Variants in ATRNL1 observed in about 807,000 individuals in gnomAD.
ATRNL1 encodes attractin like 1, also known as attractin-like protein 1.
In ATRNL1, 95 loss-of-function variants were observed where a neutral mutation model predicts 182.7. The observed-to-expected ratio is 0.52, with a 90% CI of 0.44 to 0.62. The LOEUF (loss-of-function observed/expected upper bound fraction) is 0.62. Among genes scored for constraint, ATRNL1 ranks in the 20% least tolerant of loss-of-function variants. The pLI is 0.00. For synonymous variants in ATRNL1, 576 were observed against 568.3 expected, an observed-to-expected ratio of 1.01 and a Z score of -0.19; for missense variants, 1,471 against 1,679.5, an observed-to-expected ratio of 0.88 and a Z score of 2.17.
chr10:115,130,125 A>G (rs1554874774), intron 5 of ATRNL1, among the ~76,000 whole-genome samples: 1 of 152,142 alleles, frequency 6.6e-6, no homozygotes, highest in Non-Finnish European at 1.5e-5. Context: ...ATGTTGGCTT[A>G]TTTATCTGTA....
intron 27 of ATRNL1, among the ~76,000 whole-genome samples, chr10:115,768,368 C>G (rs1351660078): frequency 6.6e-6 from 1 of 151,992 alleles, no homozygotes; most frequent in Non-Finnish European, 1.5e-5. Flanking sequence ...TTATGATTTG[C>G]TATTTTATGA....
intron 8 of ATRNL1, among the ~76,000 whole-genome samples, chr10:115,182,678 G>A (rs1400824678): frequency 2.0e-5 from 3 of 151,448 alleles, no homozygotes; most frequent in Admixed American, 6.6e-5. Context: ...ATAGGTGAAT[G>A]ATTACAGTAA....
At chr10:115,112,156 G>A (rs1844285200) in intron 1 of ATRNL1, among the ~76,000 whole-genome samples, 2 of 152,054 alleles carry the variant, frequency 1.3e-5, no homozygotes, top group African/African-American at 4.8e-5. Context: ...AATTGAAGGT[G>A]ACACAAGTAA....
rs988346346 is a variant in ATRNL1, at chr10:115,120,242, T to C, written c.351T>C (p.Thr117=). The change falls in exon 2 of 29, where the codon ACT becomes ACC. Residue 117 remains threonine, a synonymous_variant. Coordinates refer to ENST00000355044, the MANE Select transcript of ATRNL1 (RefSeq NM_207303.4). ...GCCCAATTAACTATAAATATAAAAC[T>C]AAATGTACTTGGCTCATTGAAGGCT... The part of the protein sequence containing the change: ...TDGPINYKYK[T]KCTWLIEGYP... The C allele has an allele frequency of 1.3e-5, 21 of 1,574,234 alleles. No homozygotes were observed. The highest frequency in any genetic ancestry group is 1.7e-5 in the Non-Finnish European group (20 of 1,147,286).
intron 28 of ATRNL1, among the ~76,000 whole-genome samples, chr10:115,851,712 A>C (rs1337308278): frequency 6.6e-6 from 1 of 152,198 alleles, no homozygotes; most frequent in Admixed American, 6.6e-5. Flanking sequence ...TTCCCCGCCC[A>C]GTAAACCTGC....
chr10:115,622,042 AC>A (rs1254831082), intron 26 of ATRNL1, among the ~76,000 whole-genome samples: 1 of 152,178 alleles, frequency 6.6e-6, no homozygotes, highest in Admixed American at 6.5e-5. Context: ...TGACTGCTGC[AC>A]ACTGTTCTTA....
chr10:115,447,426 A>C (rs1225757740), intron 21 of ATRNL1, among the ~76,000 whole-genome samples: 3 of 151,638 alleles, frequency 2.0e-5, no homozygotes, highest in Non-Finnish European at 3.0e-5. Flanking sequence ...ATCAATATTT[A>C]TTGAGTACTT....
chr10:115,406,768 C>G (rs1353166058), intron 20 of ATRNL1, among the ~76,000 whole-genome samples: 1 of 152,014 alleles, frequency 6.6e-6, no homozygotes, highest in Non-Finnish European at 1.5e-5. Context: ...ATGTACACGT[C>G]TTTTGTTGGT....
chr10:115,496,729 G>T (rs1238463118), intron 24 of ATRNL1, among the ~76,000 whole-genome samples: 1 of 152,198 alleles, frequency 6.6e-6, no homozygotes, highest in Admixed American at 6.5e-5. Flanking sequence ...CTCCCAGTCT[G>T]TTCTGGCTTA....
At chr10:115,884,976 T>C (rs1555109414) in intron 28 of ATRNL1, among the ~76,000 whole-genome samples, 4 of 152,200 alleles carry the variant, frequency 2.6e-5, no homozygotes, top group African/African-American at 9.6e-5. Context: ...AAAGTACACA[T>C]TCCCAAAGAT....
At chr10:115,867,114 A>T (rs1951457320) in intron 28 of ATRNL1, among the ~76,000 whole-genome samples, 2 of 152,216 alleles carry the variant, frequency 1.3e-5, no homozygotes, top group Admixed American at 1.3e-4. Context: ...TATTTTTCAC[A>T]GAGTAAAAAA....
chr10:115,610,698 G>C (rs1041476159), intron 26 of ATRNL1, among the ~76,000 whole-genome samples: 7 of 152,186 alleles, frequency 4.6e-5, no homozygotes, highest in Non-Finnish European at 7.4e-5. Context: ...ATAAATTGCT[G>C]TATGTAGAGG....
At chr10:115,574,354 GTA>G (rs36117647) in intron 26 of ATRNL1, among the ~76,000 whole-genome samples, 69,827 of 149,818 alleles carry the variant, frequency 0.47, 17,981 homozygotes, top group East Asian at 0.84. Context: ...ATATATAAAT[GTA>G]TATATATATA....
At chr10:115,944,387 T>A (rs1408781518) in intron 28 of ATRNL1, among the ~76,000 whole-genome samples, 1 of 151,906 alleles carries the variant, frequency 6.6e-6, no homozygotes, top group Non-Finnish European at 1.5e-5. Context: ...TATGCACAAC[T>A]AAATGTGATC....
chr10:115,773,870 A>G (rs1949054336), intron 27 of ATRNL1, among the ~76,000 whole-genome samples: 1 of 152,118 alleles, frequency 6.6e-6, no homozygotes, highest in African/African-American at 2.4e-5. Context: ...CAAATCACTA[A>G]ATTTAACTAT....
intron 13 of ATRNL1, among the ~76,000 whole-genome samples, chr10:115,279,519 G>A (rs572546032): frequency 6.6e-6 from 1 of 152,280 alleles, no homozygotes; most frequent in South Asian, 2.1e-4. Context: ...TCAACAGATA[G>A]GCCAAAGCAA....
At chr10:115,185,543 T>A (rs1310069260) in intron 8 of ATRNL1, among the ~76,000 whole-genome samples, 1 of 151,572 alleles carries the variant, frequency 6.6e-6, no homozygotes, top group Admixed American at 6.6e-5. Flanking sequence ...ACACTGAGAG[T>A]AGACAGACAG....
intron 27 of ATRNL1, among the ~76,000 whole-genome samples, chr10:115,804,971 G>A (rs1555085306): frequency 6.6e-6 from 1 of 152,148 alleles, no homozygotes; most frequent in East Asian, 1.9e-4. Flanking sequence ...AGAATAATTT[G>A]CAAACTATGT....
chr10:115,266,299 A>G (rs1851605385), intron 11 of ATRNL1, among the ~76,000 whole-genome samples: 1 of 151,770 alleles, frequency 6.6e-6, no homozygotes, highest in South Asian at 2.1e-4. Flanking sequence ...TAAAAGAATG[A>G]AACACCATAA....
Sources: allele counts gnomAD v4.1 joint callset (sites outside exome capture counted in the v4.1 genomes callset), GRCh38; gene constraint gnomAD v4.1.1; transcripts MANE v1.5; gene names NCBI Gene and HGNC (gene_info 2026-07-23, HGNC 2026-07-21).